HNF4G: variants seen among roughly 807,000 people sequenced by gnomAD.
HNF4G encodes hepatocyte nuclear factor 4 gamma, also known as hepatocyte nuclear factor 4-gamma.
HNF4G carries 21 observed loss-of-function variants against 50.9 expected under a neutral mutation model. The ratio of observed to expected loss-of-function variants is 0.41; its 90% CI spans 0.29 to 0.59. The LOEUF (loss-of-function observed/expected upper bound fraction) is 0.59. Among genes scored for constraint, HNF4G ranks in the 20% least tolerant of loss-of-function variants. The pLI is 0.26. For missense variants in HNF4G, 527 were observed against 559.4 expected (o/e 0.94, Z 0.58); for synonymous variants, 198 against 185.6 (o/e 1.07, Z -0.54).
At chr8:75,533,212 C>T (rs1044567918) in intron 2 of HNF4G, among the ~76,000 whole-genome samples, 1 of 151,942 alleles carries the variant, frequency 6.6e-6, no homozygotes, top group Non-Finnish European at 1.5e-5. Context: ...ATTCTAGGAA[C>T]TGCAGACAAA....
Position 75,563,990 on chromosome 8 carries a change from C to G in HNF4G, c.1262C>G (p.Pro421Arg), listed in dbSNP as rs1807392352. Residue 421 changes from proline (P) to arginine (R), a missense_variant, in exon 10 of 10, where the codon CCA becomes CGA. Pro to Arg is a moderately radical substitution (Grantham distance 103). Around this residue, in one of 5 missense-constraint regions of HNF4G, gnomAD observed 308 missense variants for 301.5 expected, o/e 1.02. Coordinates refer to ENST00000396423, the MANE Select transcript of HNF4G (RefSeq NM_004133.5). ...HADQISTPET[P>R]LPSPPQGSGQ... ...TCTTTTTCAGCAACTCCTGAAACCCCACTCCCTTCCCCACCACAAGGCTCT... is the reference window on the plus strand; with the variant it reads ...TCTTTTTCAGCAACTCCTGAAACCCGACTCCCTTCCCCACCACAAGGCTCT... 6.2e-7 allele frequency: 1 copy of G among 1,613,542 alleles called. No individual in the cohort carries two copies. The highest frequency in any genetic ancestry group is 1.3e-5 in the African/African-American group (1 of 75,012).
intron 1 of HNF4G, among the ~76,000 whole-genome samples, chr8:75,477,850 C>T (rs1812274279): frequency 6.6e-6 from 1 of 152,062 alleles, no homozygotes. Flanking sequence ...GCCTGTAATC[C>T]CAGCTACTTG....
chr8:75,536,589 G>A (rs978197062), upstream of HNF4G, among the ~76,000 whole-genome samples: 3 of 151,942 alleles, frequency 2.0e-5, no homozygotes, highest in South Asian at 6.2e-4. Flanking sequence ...GAATTTTAAT[G>A]TGAATATATA....
chr8:75,548,785 A>C (rs1388555476), intron 3 of HNF4G, among the ~76,000 whole-genome samples: 2 of 152,212 alleles, frequency 1.3e-5, no homozygotes, highest in African/African-American at 4.8e-5. Context: ...AGAAGTGTAA[A>C]ATATATGAAG....
At chr8:75,460,981 T>A (rs772320483) in intron 1 of HNF4G, among the ~76,000 whole-genome samples, 2 of 152,222 alleles carry the variant, frequency 1.3e-5, no homozygotes, top group Admixed American at 1.3e-4. Flanking sequence ...TGTAGATTAA[T>A]GATTACCACA....
At chr8:75,441,850 A>G (rs1811294420) in intron 1 of HNF4G, among the ~76,000 whole-genome samples, 1 of 152,242 alleles carries the variant, frequency 6.6e-6, no homozygotes, top group South Asian at 2.1e-4. Context: ...GGAAACATAC[A>G]CTAGAATATT....
chr8:75,551,380 C>T lies in HNF4G; in HGVS notation c.383-8C>T, dbSNP rs761588932. ...GTGCTCAATAAATACTGTGTTTTTTCCCCCTAGCTGTACAAAATGAACGTG... is the reference window on the plus strand; with the variant it reads ...GTGCTCAATAAATACTGTGTTTTTTTCCCCTAGCTGTACAAAATGAACGTG... On this transcript the variant is annotated splice_region_variant and splice_polypyrimidine_tract_variant and intron_variant, in intron 3 of 9. Transcript: ENST00000396423. 6.5e-7 allele frequency: 1 copy of T among 1,547,254 alleles called. No homozygotes were observed. Among genetic ancestry groups the T allele is most frequent in the Non-Finnish European group, 8.9e-7 (1 of 1,120,636 alleles).
At chr8:75,418,840 G>T (rs1260009553) in intron 1 of HNF4G, among the ~76,000 whole-genome samples, 1 of 147,388 alleles carries the variant, frequency 6.8e-6, no homozygotes, top group Non-Finnish European at 1.5e-5. Flanking sequence ...CGATTTTCCT[G>T]CCTCAGCCTC....
intron 2 of HNF4G, among the ~76,000 whole-genome samples, chr8:75,498,034 A>G (rs978667358): frequency 3.3e-5 from 5 of 152,290 alleles, no homozygotes; most frequent in African/African-American, 1.2e-4. Flanking sequence ...TTTAAGTTCC[A>G]CCATAGAATC....
chr8:75,440,692 TTAAAAC>T (rs760613767), intron 1 of HNF4G, among the ~76,000 whole-genome samples: 7 of 152,182 alleles, frequency 4.6e-5, no homozygotes, highest in Non-Finnish European at 8.8e-5. Context: ...AAATTAAAGA[TTAAAAC>T]TAAATACACA....
At chr8:75,554,069 G>C (rs71529222) in intron 5 of HNF4G, among the ~76,000 whole-genome samples, 8,166 of 152,018 alleles carry the variant, frequency 0.054, 286 homozygotes, top group Non-Finnish European at 0.08. Context: ...TTTTAAGAGA[G>C]CGTTTCACCT....
Position 75,425,851 on chromosome 8 carries a change from A to C in HNF4G, c.-144+17689A>C, listed in dbSNP as rs565452505. On this transcript the variant is annotated intron_variant, in intron 1 of 10. Coordinates refer to the HNF4G transcript ENST00000354370. ...GGCTATTACAATAAAGCTGTCTTGA[A>C]CATAGTTTACATGTCTTTTACTGGA... Among the ~76,000 whole-genome samples, 7 of 152,210 alleles carry C rather than the reference A, an allele frequency of 4.6e-5. No homozygotes were observed. The South Asian group carries it at 1.4e-3, about 32-fold the overall frequency.
intron 1 of HNF4G, among the ~76,000 whole-genome samples, chr8:75,469,536 G>A (rs1324415183): frequency 6.6e-6 from 1 of 152,124 alleles, no homozygotes; most frequent in East Asian, 1.9e-4. Context: ...ATTTACTTGT[G>A]TTTTATCATT....
chr8:75,449,652 T>C (rs186072116), intron 1 of HNF4G, among the ~76,000 whole-genome samples: 2 of 151,576 alleles, frequency 1.3e-5, no homozygotes, highest in South Asian at 4.2e-4. Flanking sequence ...GACTACAGGC[T>C]CCCGCCACCA....
At chr8:75,453,511 C>G (rs59606147) in intron 1 of HNF4G, among the ~76,000 whole-genome samples, 23,806 of 142,426 alleles carry the variant, frequency 0.17, 2,178 homozygotes, top group South Asian at 0.26. Context: ...CCTGCCCCCC[C>G]GCCCCGTAGC....
At chr8:75,510,673 T>C (rs1410614266) in intron 2 of HNF4G, among the ~76,000 whole-genome samples, 1 of 152,202 alleles carries the variant, frequency 6.6e-6, no homozygotes, top group Non-Finnish European at 1.5e-5. Context: ...CAATAGACTA[T>C]AGCATATAGC....
In HNF4G at chr8:75,558,825, T is replaced by C. The variant is rs552405141; in HGVS notation, c.911T>C (p.Val304Ala). 2 of 1,614,018 alleles carry C rather than the reference T, an allele frequency of 1.2e-6. No homozygotes were observed. Among genetic ancestry groups the C allele is most frequent in the South Asian group, 2.2e-5 (2 of 91,080 alleles). The change falls in exon 8 of 10, where the codon GTA becomes GCA. Residue 304 changes from valine to alanine, a missense_variant. Physicochemically the swap from Val to Ala is moderately conservative, Grantham distance 64. This residue lies in a region of HNF4G where 308 missense variants were observed against 301.5 expected (regional missense o/e 1.02). Transcript: ENST00000396423. Reference protein sequence around the residue: ...DPDAKGLSDPVKIKNMRFQVQ... With the variant: ...DPDAKGLSDPAKIKNMRFQVQ... ...GATGCAAAAGGGCTAAGCGATCCAGTAAAAATTAAGAACATGAGGTTCCAA... is the reference window on the plus strand; with the variant it reads ...GATGCAAAAGGGCTAAGCGATCCAGCAAAAATTAAGAACATGAGGTTCCAA...
At chr8:75,438,566 C>T (rs1435813354) in intron 1 of HNF4G, among the ~76,000 whole-genome samples, 1 of 151,952 alleles carries the variant, frequency 6.6e-6, no homozygotes, top group African/African-American at 2.4e-5. Context: ...CCCTCCCTCC[C>T]TTCCTTTCTT....
rs1015247484 is a variant in HNF4G, at chr8:75,564,782, A to G, written c.*686A>G. The G allele has an allele frequency of 1.3e-5, 2 of 152,204 alleles. No individual in the cohort carries two copies. The highest frequency in any genetic ancestry group is 2.4e-5 in the African/African-American group (1 of 41,456). 9.4% of individuals were successfully genotyped at this position (152,204 alleles called of 1,614,324 possible). A position where few individuals can be genotyped will look rare whatever the true frequency, so the allele number is the denominator to read the frequency against. The stretch of plus-strand genomic sequence containing the variant: ...CTTTTATCAGTTAGGATACAGGGTG[A>G]ACTGTAACAAAGAAACCCCTAAAAC... On this transcript the variant is annotated 3_prime_UTR_variant, in exon 10 of 10. Transcript: ENST00000396423.
Sources: gnomAD v4.1 joint callset for allele counts (sites outside exome capture counted in the v4.1 genomes callset) on GRCh38, gnomAD v4.1.1 for gene constraint, gnomAD v4.1.1 regional missense constraint, MANE v1.5 for transcripts, NCBI Gene and HGNC (gene_info 2026-07-23, HGNC 2026-07-21) for gene names.